Variants in UBR4 observed in about 807,000 individuals in gnomAD.
The protein encoded by UBR4 is E3 ubiquitin-protein ligase UBR4.
Under a neutral mutation model 575.6 loss-of-function variants are expected in UBR4, and 124 were observed. The observed-to-expected ratio is 0.22, with a 90% CI of 0.19 to 0.25. The LOEUF is 0.25. Ranked by LOEUF, UBR4 falls within the 10% of genes least tolerant of loss-of-function variation. The pLI, the probability that UBR4 is intolerant of heterozygous loss-of-function variation, is 1.00. For missense variants in UBR4, 4,818 were observed against 6,478.8 expected (o/e 0.74, Z 8.80); for synonymous variants, 2,455 against 2,473.7 (o/e 0.99, Z 0.22).
In UBR4 at chr1:19,186,595, G is replaced by C; in HGVS notation, c.1695C>G (p.Asp565Glu). Residue 565 changes from aspartate to glutamate, a missense_variant, in exon 14 of 106, where the codon GAC becomes GAG. Around this residue, in one of 29 missense-constraint regions of UBR4, gnomAD observed 162 missense variants for 216.4 expected, o/e 0.75. Coordinates refer to ENST00000375254, the MANE Select transcript of UBR4 (RefSeq NM_020765.3). The stretch of plus-strand genomic sequence containing the variant: ...AATCGTCCTCATAGTAAGTATTGGA[G>C]TCGGTGGAGGCGCTGGCATCGCTGC... ...SMSSDASAST[D>E]SNTYYEDDFS... 6.2e-7 allele frequency: 1 copy of C among 1,614,176 alleles called. No individual in the cohort carries two copies. The highest frequency in any genetic ancestry group is 8.5e-7 in the Non-Finnish European group (1 of 1,180,026).
intron 1 of UBR4, among the ~76,000 whole-genome samples, chr1:19,208,777 C>T (rs1437331508): frequency 6.6e-6 from 1 of 152,164 alleles, no homozygotes; most frequent in Non-Finnish European, 1.5e-5. Context: ...CTATCCAGCT[C>T]ATGTCCAGAA....
chr1:19,166,429 T>C (rs530662260), intron 29 of UBR4, among the ~76,000 whole-genome samples: 1 of 152,282 alleles, frequency 6.6e-6, no homozygotes, highest in African/African-American at 2.4e-5. Flanking sequence ...TAAAAACAAT[T>C]TTAAGTCTCC....
At chr1:19,171,580 C>T (rs2089543760) in intron 25 of UBR4, among the ~76,000 whole-genome samples, 1 of 152,200 alleles carries the variant, frequency 6.6e-6, no homozygotes, top group Non-Finnish European at 1.5e-5. Flanking sequence ...GTGGCTCACA[C>T]CTGTAATCCC....
chr1:19,128,370 C>T (rs755364391), intron 61 of UBR4, 52 bp from the exon 62 acceptor site: 1 of 1,493,466 alleles, frequency 6.7e-7, no homozygotes, highest in Non-Finnish European at 9.3e-7. Context: ...AGAAGAACGA[C>T]TTGAAATACG....
chr1:19,119,781 C>A, intron 69 of UBR4, 80 bp from the exon 70 acceptor site: 1 of 1,516,492 alleles, frequency 6.6e-7, no homozygotes, highest in South Asian at 1.2e-5. Flanking sequence ...GCTCTGGTAC[C>A]TCAATTTCCC....
chr1:19,119,059 T>C (rs1299068537), intron 70 of UBR4, 102 bp from the exon 71 acceptor site: 7 of 966,042 alleles, frequency 7.2e-6, no homozygotes, highest in Middle Eastern at 6.0e-4. Flanking sequence ...GCCCTAGACC[T>C]ACCAGACTTC....
chr1:19,080,470 A>G (rs2076376711), intron 103 of UBR4: 1 of 152,260 alleles, frequency 6.6e-6, no homozygotes, highest in African/African-American at 2.4e-5. Flanking sequence ...TCACGGCCCT[A>G]AAAGTTTCTC....
chr1:19,205,371 C>A (rs2092953488), intron 1 of UBR4, among the ~76,000 whole-genome samples: 1 of 152,154 alleles, frequency 6.6e-6, no homozygotes, highest in Non-Finnish European at 1.5e-5. Flanking sequence ...CAATATCATA[C>A]TATCAATCTT....
intron 105 of UBR4, 186 bp from the exon 106 acceptor site, chr1:19,075,082 T>A: frequency 1.6e-6 from 1 of 634,650 alleles, no homozygotes; most frequent in Non-Finnish European, 2.8e-6. Flanking sequence ...GCAGGAGGAG[T>A]CCTGTTCCAG....
chr1:19,084,671 T>C lies in UBR4; in HGVS notation c.14841A>G (p.Thr4947=). Residue 4947 remains threonine, a synonymous_variant, in exon 102 of 106, where the codon ACA becomes ACG. Coordinates refer to ENST00000375254, the MANE Select transcript of UBR4 (RefSeq NM_020765.3). ...GCTGATACGTGGGCTCCCGCTGGCCTGTACATTCCTGGAGGTAAGTGTTGT... is the reference window on the plus strand; with the variant it reads ...GCTGATACGTGGGCTCCCGCTGGCCCGTACATTCCTGGAGGTAAGTGTTGT... ...ARHNTYLQEC[T]GQREPTYQLN... is the part of the protein sequence containing the mutation. 1.9e-6 allele frequency: 3 copies of C among 1,612,676 alleles called. No homozygotes were observed. Among genetic ancestry groups the C allele is most frequent in the African/African-American group, 1.3e-5 (1 of 75,036 alleles).
At position 19,093,631 on chromosome 1, in the gene UBR4, C is replaced by A; in HGVS notation, c.13938-145G>T. 1 of 908,852 alleles carries A rather than the reference C, an allele frequency of 1.1e-6. No homozygotes were observed. The highest frequency in any genetic ancestry group is 1.6e-6 in the Non-Finnish European group (1 of 612,362). The allele number at this position is 908,852 out of a possible 1,614,324, so 56.3% of individuals were successfully genotyped here. ...ACACAAAGACCTATCTGCCCCGGCTCCTGCCACTCTCCCTGTTTACCTGCT... is the reference window on the plus strand; with the variant it reads ...ACACAAAGACCTATCTGCCCCGGCTACTGCCACTCTCCCTGTTTACCTGCT... On this transcript the variant is annotated intron_variant, in intron 95 of 105. Coordinates refer to ENST00000375254, the MANE Select transcript of UBR4 (RefSeq NM_020765.3). The surrounding 1 kb of genome is among the most constrained non-coding windows in gnomAD (Gnocchi z 4.8).
rs1300473612 is a variant in UBR4 at position 19,172,945 on chromosome 1, T to C, written c.3440A>G (p.Asp1147Gly). 6.2e-7 allele frequency: 1 copy of C among 1,614,136 alleles called. No individual in the cohort carries two copies. The highest frequency in any genetic ancestry group is 8.5e-7 in the Non-Finnish European group (1 of 1,180,028). Residue 1147 changes from aspartate to glycine, a missense_variant, in exon 25 of 106, where the codon GAT becomes GGT. Transcript: ENST00000375254. ...EHFSKMAAET[D>G]PHKSSEITKN... is the part of the protein sequence containing the mutation. ...GGTAATCTCAGACGACTTATGAGGA[T>C]CAGTCTCAGCAGCCATCTTAGAAAA... is the stretch of plus-strand genomic sequence containing the variant.
chr1:19,167,944 T>C (rs1000167653), intron 28 of UBR4, 83 bp downstream of exon 28: 4 of 1,378,090 alleles, frequency 2.9e-6, no homozygotes, highest in African/African-American at 2.9e-5. Context: ...CATTACTACA[T>C]AGTTATAAAA....
intron 48 of UBR4, 197 bp downstream of exon 48, chr1:19,151,446 C>T (rs368459464): frequency 6.2e-5 from 40 of 647,594 alleles, no homozygotes; most frequent in East Asian, 5.7e-4. Flanking sequence ...ATCTTTACTG[C>T]TACCATGCTC....
chr1:19,123,183 G>T, intron 65 of UBR4, 123 bp from the exon 66 acceptor site: 1 of 1,046,972 alleles, frequency 9.6e-7, no homozygotes, highest in Non-Finnish European at 1.4e-6. Context: ...CGGGCACGGT[G>T]GCTCACAGCT....
rs373017702 is a variant in UBR4 at position 19,105,773 on chromosome 1, T to C, written c.12463A>G (p.Ile4155Val). The change falls in exon 84 of 106, where the codon ATT (isoleucine) becomes GTT (valine). Residue 4155 changes from isoleucine (I) to valine (V), a missense_variant. Physicochemically the swap from Ile to Val is conservative, Grantham distance 29. Around this residue, in one of 29 missense-constraint regions of UBR4, gnomAD observed 178 missense variants for 175.5 expected, o/e 1.01. Coordinates refer to ENST00000375254, the MANE Select transcript of UBR4 (RefSeq NM_020765.3). ...ACTIVEALAT[I>V]PSRKQQVLDL... ...AGGACCTGCTGCTTGCGGCTGGGAA[T>C]GGTGGCTAGAGCTTCCACAATGGTA... The C allele has an allele frequency of 3.3e-5, 53 of 1,610,388 alleles. No individual in the cohort carries two copies. The highest frequency in any genetic ancestry group is 4.2e-5 in the Non-Finnish European group (50 of 1,179,004).
chr1:19,190,955 T>C (rs1262814459), intron 11 of UBR4, among the ~76,000 whole-genome samples: 1 of 152,208 alleles, frequency 6.6e-6, no homozygotes, highest in Non-Finnish European at 1.5e-5. Context: ...ATCTGGCCAC[T>C]GGCTACCTGT....
chr1:19,149,098 G>A (rs79594357), intron 49 of UBR4, among the ~76,000 whole-genome samples: 2,340 of 152,330 alleles, frequency 0.015, 63 homozygotes, highest in African/African-American at 0.053. Context: ...AAGTATGGGG[G>A]AGAGAACAAA....
At chr1:19,177,315 C>G (rs1357218682) in intron 19 of UBR4, 146 bp downstream of exon 19, 5 of 940,656 alleles carry the variant, frequency 5.3e-6, no homozygotes, top group Non-Finnish European at 8.1e-6. Flanking sequence ...TACAAAGTCT[C>G]AGTGGTCCTC....
Sources: allele counts gnomAD v4.1 joint callset (sites outside exome capture counted in the v4.1 genomes callset), GRCh38; gene constraint gnomAD v4.1.1; regional missense constraint gnomAD v4.1.1; non-coding constraint Gnocchi (gnomAD v3.1); transcripts MANE v1.5; gene names NCBI Gene and HGNC (gene_info 2026-07-23, HGNC 2026-07-21).